Variants in EIF3A observed in about 807,000 individuals in gnomAD.
EIF3A encodes EIF3, p180 subunit.
In EIF3A, 21 loss-of-function variants were observed where a neutral mutation model predicts 186.6. The ratio of observed to expected loss-of-function variants is 0.11; its 90% CI spans 0.08 to 0.16. The LOEUF is 0.16. Among genes scored for constraint, EIF3A ranks in the 10% least tolerant of loss-of-function variants. The pLI is 1.00. For missense variants in EIF3A, 1,306 were observed against 1,796.3 expected (o/e 0.73, Z 4.93); for synonymous variants, 563 against 584.3 (o/e 0.96, Z 0.52).
intron 7 of EIF3A, among the ~76,000 whole-genome samples, chr10:119,064,496 T>C (rs1180165415): frequency 6.6e-6 from 1 of 152,024 alleles, no homozygotes; most frequent in Non-Finnish European, 1.5e-5. Context: ...CAAGATCTGG[T>C]GTTGTTTAAA....
intron 1 of EIF3A, 138 bp downstream of exon 1, chr10:119,080,490 G>T: frequency 7.2e-7 from 1 of 1,394,920 alleles, no homozygotes; most frequent in Non-Finnish European, 9.2e-7. Flanking sequence ...ACCACCGGCT[G>T]GGACAGCGGC....
intron 19 of EIF3A, among the ~76,000 whole-genome samples, chr10:119,040,758 G>A (rs550025292): frequency 1.3e-5 from 2 of 152,234 alleles, no homozygotes; most frequent in Admixed American, 1.3e-4. Context: ...TGTAATCCCA[G>A]CACTTTGGGA....
At chr10:119,062,105 T>G (rs955237235) in intron 7 of EIF3A, among the ~76,000 whole-genome samples, 2 of 152,162 alleles carry the variant, frequency 1.3e-5, no homozygotes, top group African/African-American at 4.8e-5. Context: ...TACAACATTC[T>G]AACACTTCCT....
chr10:119,072,212 A>G (rs1438116933), intron 4 of EIF3A, among the ~76,000 whole-genome samples: 1 of 141,582 alleles, frequency 7.1e-6, no homozygotes, highest in Non-Finnish European at 1.5e-5. Flanking sequence ...TAAATTAAAA[A>G]AAAAAAAAAA....
At chr10:119,050,704 A>G (rs757414693) in intron 15 of EIF3A, 30 bp from the exon 16 acceptor site, 1 of 1,612,674 alleles carries the variant, frequency 6.2e-7, no homozygotes, top group East Asian at 2.2e-5. Context: ...CAACCCAAAA[A>G]GGGCACACTT....
chr10:119,043,049 C>T (rs546638179), intron 18 of EIF3A, among the ~76,000 whole-genome samples: 43 of 152,034 alleles, frequency 2.8e-4, no homozygotes, highest in African/African-American at 9.9e-4. Flanking sequence ...TTTGGAAGGC[C>T]AAGGCGGGAG....
chr10:119,070,537 GC>G (rs559085684), intron 5 of EIF3A, among the ~76,000 whole-genome samples: 48 of 146,332 alleles, frequency 3.3e-4, no homozygotes, highest in Admixed American at 3.1e-3. Context: ...AAGAAACTTT[GC>G]ATATGCTTTT....
At chr10:119,041,259 C>T (rs915089806) in intron 19 of EIF3A, among the ~76,000 whole-genome samples, 1 of 152,110 alleles carries the variant, frequency 6.6e-6, no homozygotes, top group Non-Finnish European at 1.5e-5. Flanking sequence ...AAACAATAAG[C>T]AGGCCCAGGA....
intron 7 of EIF3A, among the ~76,000 whole-genome samples, chr10:119,061,569 C>A (rs1371528086): frequency 6.6e-6 from 1 of 152,024 alleles, no homozygotes; most frequent in African/African-American, 2.4e-5. Flanking sequence ...GGAAATGAAA[C>A]TCTAAAAAAC....
rs112302218 is a variant in EIF3A at position 119,058,722 on chromosome 10, A to C, written c.1630-419T>G. ...ACATGGTGAAACCCCATCTCTACTA[A>C]AAATACAAAACATTAGCTGTGCACG... On this transcript the variant is annotated intron_variant, in intron 11 of 21. Coordinates refer to ENST00000369144, the MANE Select transcript of EIF3A (RefSeq NM_003750.4). 2.6e-3 allele frequency among the ~76,000 whole-genome samples: 393 copies of C among 152,320 alleles called. 1 individual carries two copies. Among genetic ancestry groups the C allele is most frequent in the Non-Finnish European group, 4.5e-3 (305 of 68,028 alleles).
At chr10:119,045,514 C>G (rs1328163572) in intron 17 of EIF3A, among the ~76,000 whole-genome samples, 1 of 152,172 alleles carries the variant, frequency 6.6e-6, no homozygotes, top group Non-Finnish European at 1.5e-5. Context: ...CCAAGCTTCT[C>G]CCACCCCCAT....
chr10:119,037,060 T>TCC lies in EIF3A; in HGVS notation c.3919+57_3919+58dup, dbSNP rs11336519. On this transcript the variant is annotated intron_variant, in intron 21 of 21. Transcript: ENST00000369144. Reference sequence around the variant, plus strand: ...TTATGATATAATTAAATAACCCAAATCCCCCCCCCCCCAGAAACGACAGTT... The same window carrying TCC: ...TTATGATATAATTAAATAACCCAAATCCCCCCCCCCCCCCAGAAACGACAGTT... 683 of 392,226 alleles carry TCC rather than the reference T, an allele frequency of 1.7e-3. 11 individuals carry two copies. The highest frequency in any genetic ancestry group is 0.013 in the African/African-American group (537 of 41,198). 24.3% of individuals were successfully genotyped at this position (392,226 alleles called of 1,614,324 possible).
intron 1 of EIF3A, among the ~76,000 whole-genome samples, chr10:119,076,016 G>C (rs1440334653): frequency 7.0e-6 from 1 of 141,980 alleles, no homozygotes; most frequent in Admixed American, 7.4e-5. Context: ...GTGAGCCACC[G>C]CACCCAGCCA....
chr10:119,080,032 T>C (rs1161103233), intron 1 of EIF3A, among the ~76,000 whole-genome samples: 1 of 152,082 alleles, frequency 6.6e-6, no homozygotes, highest in Non-Finnish European at 1.5e-5. Flanking sequence ...GTTAAATGGG[T>C]CAGAGGCCCC....
chr10:119,050,448 T>C (rs778918261), intron 16 of EIF3A, 73 bp downstream of exon 16: 28 of 1,446,276 alleles, frequency 1.9e-5, no homozygotes, highest in Non-Finnish European at 2.6e-5. Flanking sequence ...ATTTTCTACA[T>C]AAGATCACTA....
intron 6 of EIF3A, among the ~76,000 whole-genome samples, chr10:119,067,898 C>A (rs1844006174): frequency 6.6e-6 from 1 of 152,060 alleles, no homozygotes; most frequent in African/African-American, 2.4e-5. Context: ...ACAAGCTACG[C>A]CTCCCAGGTT....
chr10:119,068,153 C>A (rs573795582), intron 6 of EIF3A, among the ~76,000 whole-genome samples: 2 of 152,044 alleles, frequency 1.3e-5, no homozygotes, highest in Non-Finnish European at 2.9e-5. Context: ...ACAGGTTATA[C>A]GTAACGTTAA....
At chr10:119,074,475 A>AAT (rs1564761873) in intron 1 of EIF3A, among the ~76,000 whole-genome samples, 1 of 151,820 alleles carries the variant, frequency 6.6e-6, no homozygotes, top group Non-Finnish European at 1.5e-5. Context: ...CTCAAAAAAA[A>AAT]AAAATAAAAT....
rs1200420968 is a variant in EIF3A, at chr10:119,036,078, A to G, written c.4110T>C (p.Asn1370=). 1.9e-6 allele frequency: 3 copies of G among 1,614,052 alleles called. No individual in the cohort carries two copies. The highest frequency in any genetic ancestry group is 2.5e-6 in the Non-Finnish European group (3 of 1,179,960). Reference sequence around the variant, plus strand: ...TGGTCCATCCATCTTCATCAGTCTCATTTTTAGTACGACGGAGAGATTCCC... The same window carrying G: ...TGGTCCATCCATCTTCATCAGTCTCGTTTTTAGTACGACGGAGAGATTCCC... ...KDRESLRRTK[N]ETDEDGWTTV... is the part of the protein sequence containing the mutation. The change falls in exon 22 of 22, where the codon AAT becomes AAC. Residue 1370 remains asparagine, a synonymous_variant. Coordinates refer to ENST00000369144, the MANE Select transcript of EIF3A (RefSeq NM_003750.4).
Sources: gnomAD v4.1 joint callset for allele counts (sites outside exome capture counted in the v4.1 genomes callset) on GRCh38, gnomAD v4.1.1 for gene constraint, MANE v1.5 for transcripts, NCBI Gene and HGNC (gene_info 2026-07-23, HGNC 2026-07-21) for gene names.